Variants in ERC1 observed in about 807,000 individuals in gnomAD.
ERC1 encodes the protein RAB6 interacting protein 2.
A neutral mutation model predicts 132.0 loss-of-function variants in ERC1; 56 were observed. The observed-to-expected ratio is 0.42, with a 90% CI of 0.34 to 0.53. ERC1 has a LOEUF of 0.53. ERC1 is among the 20% of genes least tolerant of loss of function. The pLI, the probability that ERC1 is intolerant of heterozygous loss-of-function variation, is 0.03. For missense variants in ERC1, 1,202 were observed against 1,349.9 expected, an observed-to-expected ratio of 0.89 and a Z score of 1.72; for synonymous variants, 478 against 476.1, an observed-to-expected ratio of 1.00 and a Z score of -0.05.
At chr12:1,481,583 A>C (rs1447402008) in intron 18 of ERC1, among the ~76,000 whole-genome samples, 1 of 152,226 alleles carries the variant, frequency 6.6e-6, no homozygotes, top group African/African-American at 2.4e-5. Context: ...CTTTCAGATA[A>C]AATTTGAACC....
At position 1,028,254 on chromosome 12, in the gene ERC1, G is replaced by T. The variant is rs752656449; in HGVS notation, c.351G>T (p.Gly117=). ...MGSSPNIASS[G]VASDTIAFGE... ...GTAGCCCCAATATAGCTAGCAGTGG[G>T]GTTGCTAGTGACACCATAGCATTTG... The change falls in exon 2 of 19, where the codon GGG becomes GGT. Residue 117 remains glycine (G), a synonymous_variant. Transcript: ENST00000360905. The T allele has an allele frequency of 1.2e-6, 2 of 1,613,902 alleles. No individual in the cohort carries two copies. The highest frequency in any genetic ancestry group is 3.3e-5 in the Admixed American group (2 of 59,978).
At chr12:1,238,768 ATCT>A (rs2154304393) in intron 13 of ERC1, among the ~76,000 whole-genome samples, 1 of 152,222 alleles carries the variant, frequency 6.6e-6, no homozygotes, top group Non-Finnish European at 1.5e-5. Context: ...TACTCTTCTA[ATCT>A]TCTCTCAGTT....
At chr12:1,072,670 G>GTCCTT (rs954043986) in intron 2 of ERC1, among the ~76,000 whole-genome samples, 1 of 152,048 alleles carries the variant, frequency 6.6e-6, no homozygotes, top group Non-Finnish European at 1.5e-5. Context: ...TTATTTCCAA[G>GTCCTT]TCCTTTCTGT....
intron 17 of ERC1, among the ~76,000 whole-genome samples, chr12:1,438,927 G>A (rs558412579): frequency 1.7e-4 from 25 of 147,304 alleles, no homozygotes; most frequent in African/African-American, 6.6e-4. Context: ...GGGTGACAAA[G>A]CGAGACCTTG....
Position 1,141,507 on chromosome 12 carries a change from T to C in ERC1, c.1570-113T>C, listed in dbSNP as rs1210498193. 9 of 799,380 alleles carry C rather than the reference T, an allele frequency of 1.1e-5. No homozygotes were observed. In the Middle Eastern group the frequency reaches 1.9e-3, roughly 171 times the overall value. The allele number at this position is 799,380 out of a possible 1,614,324, so 49.5% of individuals were successfully genotyped here. ...GAAACATAGATGTAGATAATACTAC[T>C]TTTATAGAATAACAAAACTCAACCT... On this transcript the variant is annotated intron_variant, in intron 7 of 18. Transcript: ENST00000360905.
intron 15 of ERC1, among the ~76,000 whole-genome samples, chr12:1,316,374 C>T (rs2081723692): frequency 6.6e-6 from 1 of 152,164 alleles, no homozygotes; most frequent in South Asian, 2.1e-4. Context: ...TACTAGATTA[C>T]TGTCACATAT....
intron 12 of ERC1, among the ~76,000 whole-genome samples, chr12:1,193,882 A>T: frequency 6.6e-6 from 1 of 152,320 alleles, no homozygotes; most frequent in Middle Eastern, 3.4e-3. Context: ...TTAATATTTG[A>T]TGGAATAACT....
At chr12:1,154,332 C>T (rs904504548) in intron 8 of ERC1, among the ~76,000 whole-genome samples, 3 of 126,988 alleles carry the variant, frequency 2.4e-5, no homozygotes, top group Admixed American at 8.3e-5. Flanking sequence ...TATATATATA[C>T]ACACATACCC....
chr12:1,152,107 G>T (rs1282318412), intron 8 of ERC1, among the ~76,000 whole-genome samples: 1 of 151,966 alleles, frequency 6.6e-6, no homozygotes, highest in Non-Finnish European at 1.5e-5. Flanking sequence ...GGCTGAGGCA[G>T]GAGAATTGCT....
intron 8 of ERC1, 74 bp from the exon 9 acceptor site, chr12:1,180,466 G>C: frequency 7.2e-7 from 1 of 1,391,728 alleles, no homozygotes; most frequent in Non-Finnish European, 1.0e-6. Flanking sequence ...TTTTCAAATT[G>C]AAATGATTTT....
At chr12:1,019,435 TAA>T (rs1430415485) in intron 1 of ERC1, among the ~76,000 whole-genome samples, 15 of 152,226 alleles carry the variant, frequency 9.9e-5, no homozygotes, top group Admixed American at 9.8e-4. Context: ...AAGACATTTT[TAA>T]AATGTGAGAA....
At chr12:1,250,046 C>A (rs2076379965) in intron 13 of ERC1, among the ~76,000 whole-genome samples, 1 of 152,178 alleles carries the variant, frequency 6.6e-6, no homozygotes, top group Non-Finnish European at 1.5e-5. Context: ...GATTCTGATT[C>A]TGATCTGATC....
chr12:1,198,468 G>A (rs140415105), intron 12 of ERC1, among the ~76,000 whole-genome samples: 233 of 152,262 alleles, frequency 1.5e-3, no homozygotes, highest in African/African-American at 5.0e-3. Context: ...TTTGTTGTTC[G>A]TATATACATA....
At chr12:1,052,985 T>A (rs1972298197) in intron 2 of ERC1, among the ~76,000 whole-genome samples, 1 of 151,324 alleles carries the variant, frequency 6.6e-6, no homozygotes, top group Non-Finnish European at 1.5e-5. Flanking sequence ...AAAAAAAAAA[T>A]TGTCAGCTGC....
At chr12:1,228,037 A>G (rs1235639300) in intron 12 of ERC1, among the ~76,000 whole-genome samples, 2 of 152,098 alleles carry the variant, frequency 1.3e-5, no homozygotes, top group Admixed American at 6.5e-5. Flanking sequence ...CTGGTACCAT[A>G]GTGTTTAGAT....
intron 16 of ERC1, 76 bp from the exon 17 acceptor site, chr12:1,408,072 TC>T (rs2091621593): frequency 3.1e-6 from 3 of 966,830 alleles, no homozygotes; most frequent in South Asian, 2.8e-5. Context: ...CTTATGGAAC[TC>T]TTAAAATACT....
intron 7 of ERC1, among the ~76,000 whole-genome samples, chr12:1,121,250 A>G (rs1306283110): frequency 6.6e-6 from 1 of 152,238 alleles, no homozygotes; most frequent in East Asian, 1.9e-4. Context: ...TAACGCTGCA[A>G]TTCCTCCCTG....
chr12:1,076,477 C>T (rs1398960539), intron 2 of ERC1, among the ~76,000 whole-genome samples: 1 of 151,476 alleles, frequency 6.6e-6, no homozygotes, highest in Non-Finnish European at 1.5e-5. Context: ...TCACTGCAAC[C>T]TCTGCCTCCC....
chr12:1,028,489 A>G lies in ERC1; in HGVS notation c.586A>G (p.Lys196Glu). 1.9e-6 allele frequency: 3 copies of G among 1,614,204 alleles called. No individual in the cohort carries two copies. The highest frequency in any genetic ancestry group is 1.7e-6 in the Non-Finnish European group (2 of 1,180,036). Residue 196 changes from lysine to glutamate, a missense_variant, in exon 2 of 19, where the codon AAG becomes GAG. Transcript: ENST00000360905. ...GACCTTCTGGAGCCCAGAGCTGAAG[A>G]AGGAACGAGCCCTGAGAAAAGATGA... is the stretch of plus-strand genomic sequence containing the variant. Reference protein sequence around the residue: ...IKTFWSPELKKERALRKDEAS... With the variant: ...IKTFWSPELKEERALRKDEAS...
Sources: allele counts gnomAD v4.1 joint callset (sites outside exome capture counted in the v4.1 genomes callset), GRCh38; gene constraint gnomAD v4.1.1; transcripts MANE v1.5; gene names NCBI Gene and HGNC (gene_info 2026-07-23, HGNC 2026-07-21).